Variants in HNRNPF observed in about 807,000 individuals in gnomAD.
HNRNPF encodes heterogeneous nuclear ribonucleoprotein F.
HNRNPF carries 2 observed loss-of-function variants against 26.0 expected under a neutral mutation model. The observed-to-expected ratio is 0.08, with a 90% CI of 0.03 to 0.24. The LOEUF (loss-of-function observed/expected upper bound fraction) is 0.24. Ranked by LOEUF, HNRNPF falls within the 10% of genes least tolerant of loss-of-function variation. The pLI is 1.00. For missense variants in HNRNPF, 299 were observed against 539.2 expected (o/e 0.55, Z 4.41); for synonymous variants, 234 against 211.5 (o/e 1.11, Z -0.92).
chr10:43,400,819 C>G (rs901273904), intron 1 of HNRNPF, among the ~76,000 whole-genome samples: 1 of 152,216 alleles, frequency 6.6e-6, no homozygotes, highest in African/African-American at 2.4e-5. Context: ...GAGAAGTGGC[C>G]AGGCACAGTG....
In HNRNPF at chr10:43,387,449, C is replaced by A; in HGVS notation, c.436G>T (p.Asp146Tyr). The change falls in exon 4 of 4, where the codon GAC (aspartate) becomes TAC (tyrosine). Residue 146 changes from aspartate (D) to tyrosine (Y), a missense_variant. Physicochemically the swap from Asp to Tyr is radical, Grantham distance 160. Coordinates refer to ENST00000682386, the MANE Select transcript of HNRNPF (RefSeq NM_001098204.2). The surrounding 1 kb of genome is among the most constrained non-coding windows in gnomAD (Gnocchi z 6.0). ...IVPNGITLPV[D>Y]PEGKITGEAF... ...TCCCCTGTAATCTTGCCTTCGGGGT[C>A]CACAGGCAATGTGATCCCGTTTGGC... 1 of 1,614,214 alleles carries A rather than the reference C, an allele frequency of 6.2e-7. No homozygotes were observed. The highest frequency in any genetic ancestry group is 8.5e-7 in the Non-Finnish European group (1 of 1,180,032).
At chr10:43,388,318 T>A (rs577030925) in intron 3 of HNRNPF, among the ~76,000 whole-genome samples, 1 of 152,198 alleles carries the variant, frequency 6.6e-6, no homozygotes, top group African/African-American at 2.4e-5. Context: ...AATAGTAAAT[T>A]TAGTAAATCT....
At chr10:43,394,910 T>C (rs1838408649) in intron 2 of HNRNPF, among the ~76,000 whole-genome samples, 1 of 152,160 alleles carries the variant, frequency 6.6e-6, no homozygotes, top group South Asian at 2.1e-4. Context: ...CTTATTGATC[T>C]TGATGAGATT....
At position 43,388,798 on chromosome 10, in the gene HNRNPF, A is replaced by G. The variant is rs180777481; in HGVS notation, c.-52-862T>C. 3.3e-5 allele frequency among the ~76,000 whole-genome samples: 5 copies of G among 152,312 alleles called. No homozygotes were observed. In the East Asian group the frequency reaches 9.7e-4, roughly 29 times the overall value. On this transcript the variant is annotated intron_variant, in intron 3 of 3. Transcript: ENST00000682386. ...GTCCAAACTCAGAGTAAGGCCAACC[A>G]CACACTGGAAGGCAGTCTTCTGAGA...
At chr10:43,393,401 G>A (rs774737514) in intron 3 of HNRNPF, among the ~76,000 whole-genome samples, 9 of 152,120 alleles carry the variant, frequency 5.9e-5, no homozygotes, top group Admixed American at 1.3e-4. Flanking sequence ...TTCAAGACCA[G>A]CCTGACCAAC....
chr10:43,386,302 A>C lies in HNRNPF; in HGVS notation c.*335T>G. ...GGGAGCTAGCACCTTTGAGTTTTCC[A>C]AAAAAGCACGTCTCCCCAGTGTGTT... On this transcript the variant is annotated 3_prime_UTR_variant, in exon 4 of 4. Coordinates refer to ENST00000682386, the MANE Select transcript of HNRNPF (RefSeq NM_001098204.2). 1 of 191,920 alleles carries C rather than the reference A, an allele frequency of 5.2e-6. No individual in the cohort carries two copies. The highest frequency in any genetic ancestry group is 1.3e-4 in the East Asian group (1 of 7,570). 11.9% of individuals were successfully genotyped at this position (191,920 alleles called of 1,614,324 possible).
In HNRNPF at chr10:43,387,906, T is replaced by G. The variant is rs1397401079; in HGVS notation, c.-22A>C. 1.3e-6 allele frequency: 2 copies of G among 1,569,184 alleles called. No homozygotes were observed. The highest frequency in any genetic ancestry group is 1.7e-6 in the Non-Finnish European group (2 of 1,151,490). On this transcript the variant is annotated 5_prime_UTR_variant, in exon 4 of 4. Transcript: ENST00000682386. The surrounding 1 kb of genome is among the most constrained non-coding windows in gnomAD (Gnocchi z 6.0). ...TCATGGACACTTGTCAGGGTGGGTG[T>G]CAGGTGATCTTGGGTGTGGCTTTTT... is the stretch of plus-strand genomic sequence containing the variant.
At position 43,394,890 on chromosome 10, in the gene HNRNPF, AGGGAAAC is replaced by A. The variant is rs373402500; in HGVS notation, c.-111-209_-111-203del. On this transcript the variant is annotated intron_variant, in intron 2 of 3. Transcript: ENST00000682386. Reference sequence around the variant, plus strand: ...ACAGGGCAATACAGAGCACAACAAAAGGGAAACGCCTTATTGATCTTGATGAGATTTA... The same window carrying A: ...ACAGGGCAATACAGAGCACAACAAAAGCCTTATTGATCTTGATGAGATTTA... Among the ~76,000 whole-genome samples the A allele has an allele frequency of 1.3e-3, 204 of 152,274 alleles. 1 individual carries two copies. The highest frequency in any genetic ancestry group is 4.8e-3 in the African/African-American group (198 of 41,558).
intron 3 of HNRNPF, among the ~76,000 whole-genome samples, chr10:43,391,692 G>T (rs910789410): frequency 2.0e-5 from 3 of 152,040 alleles, no homozygotes; most frequent in African/African-American, 7.3e-5. Flanking sequence ...GCACGTAGTG[G>T]GCCCCTTACA....
intron 1 of HNRNPF, among the ~76,000 whole-genome samples, chr10:43,402,706 A>G (rs536738598): frequency 9.8e-5 from 15 of 152,362 alleles, no homozygotes; most frequent in African/African-American, 3.1e-4. Flanking sequence ...TATTTGTCAT[A>G]AACATCATAA....
intron 3 of HNRNPF, 81 bp from the exon 4 acceptor site, chr10:43,388,017 A>G: frequency 1.5e-6 from 1 of 681,750 alleles, no homozygotes; most frequent in South Asian, 2.0e-5. Flanking sequence ...GTAGCAAGAC[A>G]TTAAGAAATA....
At chr10:43,403,534 C>T (rs1341458564) in intron 1 of HNRNPF, among the ~76,000 whole-genome samples, 4 of 152,172 alleles carry the variant, frequency 2.6e-5, no homozygotes, top group Admixed American at 2.6e-4. Context: ...TCAACCTAAT[C>T]CAGCAATATA....
intron 1 of HNRNPF, among the ~76,000 whole-genome samples, chr10:43,406,977 T>C (rs1488547032): frequency 6.6e-6 from 1 of 152,226 alleles, no homozygotes; most frequent in Non-Finnish European, 1.5e-5. Context: ...TTTGCAGGAA[T>C]AGCACTTAAG....
At chr10:43,403,152 G>A (rs929455318) in intron 1 of HNRNPF, among the ~76,000 whole-genome samples, 3 of 151,924 alleles carry the variant, frequency 2.0e-5, no homozygotes, top group Non-Finnish European at 4.4e-5. Flanking sequence ...CCTCAGCCTG[G>A]GATTACAGAT....
In HNRNPF at chr10:43,386,756, T is replaced by C; in HGVS notation, c.1129A>G (p.Met377Val). The C allele has an allele frequency of 1.9e-6, 3 of 1,614,184 alleles. No homozygotes were observed. The highest frequency in any genetic ancestry group is 2.5e-6 in the Non-Finnish European group (3 of 1,180,030). Residue 377 changes from methionine (M) to valine (V), a missense_variant, in exon 4 of 4, where the codon ATG (methionine) becomes GTG (valine). Coordinates refer to ENST00000682386, the MANE Select transcript of HNRNPF (RefSeq NM_001098204.2). ...ASNGAYSSQV[M>V]QGMGVSAAQA... Reference sequence around the variant, plus strand: ...GCAGCAGACACCCCCATGCCTTGCATCACCTGGCTGCTATACGCCCCATTG... The same window carrying C: ...GCAGCAGACACCCCCATGCCTTGCACCACCTGGCTGCTATACGCCCCATTG...
chr10:43,399,296 C>T (rs1197357007), intron 1 of HNRNPF, among the ~76,000 whole-genome samples: 1 of 152,110 alleles, frequency 6.6e-6, no homozygotes, highest in East Asian at 1.9e-4. Flanking sequence ...CTATGATGCC[C>T]AGACTGGTCT....
chr10:43,388,153 C>G (rs547690651), intron 3 of HNRNPF, among the ~76,000 whole-genome samples: 2 of 152,046 alleles, frequency 1.3e-5, no homozygotes, highest in Non-Finnish European at 2.9e-5. Context: ...GAATGTGGTG[C>G]CTTGAACACA....
chr10:43,402,765 C>G lies in HNRNPF; in HGVS notation c.-246-6175G>C, dbSNP rs534332626. ...ATCAAATAACTTATGATGGATTTAT[C>G]GGGATATAACAGTAAGTAAGAGTAT... On this transcript the variant is annotated intron_variant, in intron 1 of 3. Transcript: ENST00000682386. 9.1e-4 allele frequency among the ~76,000 whole-genome samples: 138 copies of G among 152,214 alleles called. 1 individual carries two copies. Among genetic ancestry groups the G allele is most frequent in the African/African-American group, 3.2e-3 (133 of 41,528 alleles).
intron 1 of HNRNPF, among the ~76,000 whole-genome samples, chr10:43,403,917 A>G (rs1168929060): frequency 2.0e-5 from 3 of 152,180 alleles, no homozygotes; most frequent in Admixed American, 1.3e-4. Flanking sequence ...GCCTGAGCCC[A>G]GGAGGTTGAG....
Sources: gnomAD v4.1 joint callset for allele counts (sites outside exome capture counted in the v4.1 genomes callset) on GRCh38, gnomAD v4.1.1 for gene constraint, Gnocchi (gnomAD v3.1) non-coding constraint, MANE v1.5 for transcripts, NCBI Gene and HGNC (gene_info 2026-07-23, HGNC 2026-07-21) for gene names.